Variants in PIK3C2G observed in about 807,000 individuals in gnomAD.
PIK3C2G encodes phosphatidylinositol 3-kinase C2 domain-containing subunit gamma.
PIK3C2G carries 168 observed loss-of-function variants against 181.1 expected under a neutral mutation model. The ratio of observed to expected loss-of-function variants is 0.93; its 90% CI spans 0.82 to 1.05. The LOEUF (loss-of-function observed/expected upper bound fraction) is 1.05. Among genes scored for constraint, PIK3C2G ranks in the 50% least tolerant of loss-of-function variants. The pLI is 0.00. For synonymous variants in PIK3C2G, 573 were observed against 592.2 expected (o/e 0.97, Z 0.47); for missense variants, 1,869 against 1,732.8 (o/e 1.08, Z -1.40).
intron 32 of PIK3C2G, among the ~76,000 whole-genome samples, chr12:18,646,671 C>T (rs370725132): frequency 2.6e-5 from 4 of 152,092 alleles, no homozygotes; most frequent in Non-Finnish European, 5.9e-5. Context: ...TATCTTGTGA[C>T]TTGGCTGTAA....
At chr12:18,562,000 G>T (rs954470223) in intron 26 of PIK3C2G, among the ~76,000 whole-genome samples, 3 of 152,110 alleles carry the variant, frequency 2.0e-5, no homozygotes, top group Non-Finnish European at 4.4e-5. Flanking sequence ...AAAGAATAGG[G>T]TAGAAAGTAT....
At chr12:18,417,799 T>G (rs1945265470) in intron 16 of PIK3C2G, among the ~76,000 whole-genome samples, 3 of 152,150 alleles carry the variant, frequency 2.0e-5, no homozygotes. Flanking sequence ...TATTTTTACT[T>G]TATTGTGGTG....
intron 24 of PIK3C2G, among the ~76,000 whole-genome samples, chr12:18,507,715 C>A (rs758265835): frequency 6.6e-6 from 1 of 151,802 alleles, no homozygotes; most frequent in Admixed American, 6.6e-5. Context: ...ATTTGGAGTA[C>A]CCTTATTCAT....
At chr12:18,591,497 TA>T (rs1947077407) in intron 29 of PIK3C2G, among the ~76,000 whole-genome samples, 1 of 151,674 alleles carries the variant, frequency 6.6e-6, no homozygotes, top group South Asian at 2.1e-4. Flanking sequence ...AATGGGTGGA[TA>T]GGGGCAGAAA....
chr12:18,587,401 A>G (rs769145193), intron 29 of PIK3C2G, among the ~76,000 whole-genome samples: 4 of 152,100 alleles, frequency 2.6e-5, no homozygotes, highest in Non-Finnish European at 5.9e-5. Flanking sequence ...TAGCATTCCT[A>G]TACACCAACA....
downstream of PIK3C2G, among the ~76,000 whole-genome samples, chr12:18,650,712 CTATATATATA>C (rs1157799425): frequency 7.7e-3 from 112 of 14,562 alleles, 1 homozygote; most frequent in East Asian, 0.091. Flanking sequence ...GTGTATATAT[CTATATATATA>C]TATATATATA....
At chr12:18,504,161 G>A (rs1941680636) in intron 23 of PIK3C2G, among the ~76,000 whole-genome samples, 1 of 152,128 alleles carries the variant, frequency 6.6e-6, no homozygotes, top group Admixed American at 6.5e-5. Context: ...GGTAAACTGG[G>A]ATGATTGGTC....
chr12:18,366,663 T>G (rs770330557), intron 12 of PIK3C2G, among the ~76,000 whole-genome samples: 2 of 152,174 alleles, frequency 1.3e-5, no homozygotes, highest in Non-Finnish European at 1.5e-5. Context: ...TTGTAGTGAT[T>G]ATTCATTCTT....
chr12:18,526,656 T>C (rs1002156058), intron 24 of PIK3C2G, among the ~76,000 whole-genome samples: 2 of 152,170 alleles, frequency 1.3e-5, no homozygotes, highest in Admixed American at 1.3e-4. Context: ...TTGGTTTTGT[T>C]TTGTTTTTTA....
chr12:18,493,685 C>T (rs1421717746), intron 20 of PIK3C2G: 1 of 152,248 alleles, frequency 6.6e-6, no homozygotes, highest in Non-Finnish European at 1.5e-5. Flanking sequence ...GAAAGGAGCC[C>T]TGTGAATGCA....
At chr12:18,676,509 G>C in the PIK3C2G span, among the ~76,000 whole-genome samples, 1 of 152,018 alleles carries the variant, frequency 6.6e-6, no homozygotes, top group Non-Finnish European at 1.5e-5. Context: ...TGAGGACTCT[G>C]TTCTCTCCTG....
At chr12:18,466,956 T>C (rs1056977526) in intron 18 of PIK3C2G, among the ~76,000 whole-genome samples, 2 of 152,076 alleles carry the variant, frequency 1.3e-5, no homozygotes, top group Admixed American at 6.6e-5. Flanking sequence ...GAAAATGCAA[T>C]AGTGCATTTC....
chr12:18,567,164 A>C (rs1945684762), intron 29 of PIK3C2G, 107 bp downstream of exon 29: 1 of 614,824 alleles, frequency 1.6e-6, no homozygotes, highest in Non-Finnish European at 2.9e-6. Flanking sequence ...TTGGGAGGTC[A>C]AGGTGGGATG....
chr12:18,578,424 A>G (rs1051324215), intron 29 of PIK3C2G, among the ~76,000 whole-genome samples: 3 of 152,188 alleles, frequency 2.0e-5, no homozygotes, highest in East Asian at 3.9e-4. Context: ...ATTAATAAGC[A>G]GTGTGATCTG....
Position 18,533,141 on chromosome 12 carries a change from A to G in PIK3C2G, c.3324-5015A>G, listed in dbSNP as rs117938673. On this transcript the variant is annotated intron_variant, in intron 24 of 32. Coordinates refer to ENST00000538779, the MANE Select transcript of PIK3C2G (RefSeq NM_001288772.2). ...CTTAATATACTCAGTGGGAGGAACA[A>G]GGAAAAATATGCCTACTTCATCTTC... 1.1e-3 allele frequency among the ~76,000 whole-genome samples: 171 copies of G among 152,246 alleles called. No individual in the cohort carries two copies. In the East Asian group the frequency reaches 0.024, roughly 21 times the overall value.
the PIK3C2G span, among the ~76,000 whole-genome samples, chr12:18,661,673 G>A: frequency 1.3e-5 from 2 of 152,084 alleles, no homozygotes; most frequent in Admixed American, 6.6e-5. Flanking sequence ...GTGGAGAAAA[G>A]GGGATGCTTA....
chr12:18,652,931 C>T (rs1406597583), downstream of PIK3C2G, among the ~76,000 whole-genome samples: 1 of 151,388 alleles, frequency 6.6e-6, no homozygotes, highest in Non-Finnish European at 1.5e-5. Context: ...TTCTGTCTCA[C>T]ACAGAGAGAG....
intron 18 of PIK3C2G, among the ~76,000 whole-genome samples, chr12:18,428,762 G>A (rs894599513): frequency 6.6e-6 from 1 of 152,186 alleles, no homozygotes; most frequent in East Asian, 1.9e-4. Flanking sequence ...TCCAAGGCAA[G>A]TGAGTTAACT....
chr12:18,243,980 G>A (rs1948013368), upstream of PIK3C2G, among the ~76,000 whole-genome samples: 1 of 151,914 alleles, frequency 6.6e-6, no homozygotes, highest in Admixed American at 6.6e-5. Context: ...CTGCCTTCCA[G>A]AGCTTATATT....
Sources: gnomAD v4.1 joint callset for allele counts (sites outside exome capture counted in the v4.1 genomes callset) on GRCh38, gnomAD v4.1.1 for gene constraint, MANE v1.5 for transcripts, NCBI Gene and HGNC (gene_info 2026-07-23, HGNC 2026-07-21) for gene names.